Variants in ZNF347 observed in about 807,000 individuals in gnomAD.
The protein encoded by ZNF347 is zinc finger protein 347.
Under a neutral mutation model 12.9 loss-of-function variants are expected in ZNF347, and 19 were observed. The observed-to-expected ratio is 1.47, with a 90% CI of 1.03 to 2.16. The LOEUF is 2.16. ZNF347 is among the 30% of genes most tolerant of loss of function. ZNF347 has a pLI of 0.00. For synonymous variants in ZNF347, 328 were observed against 340.6 expected (o/e 0.96, Z 0.41); for missense variants, 1,005 against 990.6 (o/e 1.01, Z -0.19).
chr19:53,144,996 A>G (rs1481732686), intron 4 of ZNF347, among the ~76,000 whole-genome samples: 1 of 152,062 alleles, frequency 6.6e-6, no homozygotes. Flanking sequence ...GCCTCAGAAG[A>G]TACACAAACA....
At chr19:53,155,328 GTGTGTGTT>G (rs1375400024) in intron 1 of ZNF347, among the ~76,000 whole-genome samples, 3 of 140,504 alleles carry the variant, frequency 2.1e-5, no homozygotes, top group Non-Finnish European at 3.0e-5. Flanking sequence ...GTGTGTGTGT[GTGTGTGTT>G]TGTTTTTTGT....
intron 2 of ZNF347, among the ~76,000 whole-genome samples, chr19:53,152,957 G>A (rs985812839): frequency 1.3e-5 from 2 of 151,958 alleles, no homozygotes; most frequent in Non-Finnish European, 2.9e-5. Context: ...AATAATAATT[G>A]GCAAAACAAG....
intron 2 of ZNF347, among the ~76,000 whole-genome samples, chr19:53,152,926 T>G (rs954462638): frequency 6.6e-6 from 1 of 151,950 alleles, no homozygotes; most frequent in Non-Finnish European, 1.5e-5. Flanking sequence ...CAAGACTCCG[T>G]CTCAAAAAAA....
intron 2 of ZNF347, among the ~76,000 whole-genome samples, chr19:53,153,009 C>T (rs544892679): frequency 1.1e-4 from 17 of 152,284 alleles, no homozygotes; most frequent in African/African-American, 4.1e-4. Flanking sequence ...AGTTCTGCTC[C>T]TATAACCGAA....
chr19:53,150,860 C>T (rs2090492875), intron 2 of ZNF347, among the ~76,000 whole-genome samples: 1 of 152,196 alleles, frequency 6.6e-6, no homozygotes, highest in Non-Finnish European at 1.5e-5. Context: ...CGGCCTCAGC[C>T]TCCCAAGTAG....
intron 2 of ZNF347, among the ~76,000 whole-genome samples, chr19:53,149,970 A>G (rs1205207699): frequency 6.6e-6 from 1 of 152,160 alleles, no homozygotes; most frequent in Admixed American, 6.5e-5. Flanking sequence ...GTTCATCTGT[A>G]TACTCTGTAA....
rs376677299 is a variant in ZNF347 at position 53,149,909 on chromosome 19, C to T, written c.16-542G>A. ...TTGGGATTACAGGCATGCACCACCA[C>T]GCCATGCTCCTTCTCCCATACCTTA... On this transcript the variant is annotated intron_variant, in intron 2 of 4. Coordinates refer to ENST00000334197, the MANE Select transcript of ZNF347 (RefSeq NM_032584.3). 4.5e-4 allele frequency among the ~76,000 whole-genome samples: 69 copies of T among 152,234 alleles called. 1 individual carries two copies. The highest frequency in any genetic ancestry group is 3.4e-3 in the Middle Eastern group (1 of 294).
Position 53,149,238 on chromosome 19 carries a change from C to T in ZNF347, c.142+3G>A, listed in dbSNP as rs781276944. 1.2e-6 allele frequency: 2 copies of T among 1,612,176 alleles called. No individual in the cohort carries two copies. The highest frequency in any genetic ancestry group is 2.2e-5 in the South Asian group (2 of 90,710). On this transcript the variant is annotated splice_donor_region_variant and intron_variant, in intron 3 of 4. Coordinates refer to ENST00000334197, the MANE Select transcript of ZNF347 (RefSeq NM_032584.3). ...CTGACTTCTGGAAGAAAGTCATCCT[C>T]ACCCAGGGAGGCCAGGTTCCTATAA...
intron 2 of ZNF347, among the ~76,000 whole-genome samples, chr19:53,150,309 A>G (rs2090489249): frequency 6.6e-6 from 1 of 152,138 alleles, no homozygotes; most frequent in Admixed American, 6.5e-5. Context: ...GGGATCACAG[A>G]TGTGTTTTCC....
At chr19:53,149,190 GA>G in intron 3 of ZNF347, 50 bp downstream of exon 3, 1 of 1,597,364 alleles carries the variant, frequency 6.3e-7, no homozygotes, top group Non-Finnish European at 8.5e-7. Context: ...CATGGAAAAT[GA>G]AAAGATACAC....
chr19:53,152,187 G>A (rs62115500), intron 2 of ZNF347, among the ~76,000 whole-genome samples: 15,047 of 151,962 alleles, frequency 0.099, 838 homozygotes, highest in Middle Eastern at 0.14. Context: ...CAGTGAAAAG[G>A]TAAAACATCC....
intron 4 of ZNF347, among the ~76,000 whole-genome samples, chr19:53,145,453 T>C (rs1024568338): frequency 4.6e-5 from 7 of 150,998 alleles, no homozygotes; most frequent in Admixed American, 4.0e-4. Flanking sequence ...AGTGCAATGG[T>C]GTGATCTCAG....
intron 1 of ZNF347, among the ~76,000 whole-genome samples, chr19:53,158,254 C>G (rs2090548291): frequency 6.6e-6 from 1 of 151,954 alleles, no homozygotes; most frequent in South Asian, 2.1e-4. Flanking sequence ...GGGCCCGGCA[C>G]GAGGAGGAGG....
At chr19:53,142,610 T>A (rs1487575822) in intron 4 of ZNF347, 54 bp from the exon 5 acceptor site, 52 of 1,335,292 alleles carry the variant, frequency 3.9e-5, no homozygotes, top group Non-Finnish European at 5.1e-5. Context: ...CGTAAACAAG[T>A]ATTTTACACC....
intron 1 of ZNF347, among the ~76,000 whole-genome samples, chr19:53,155,045 C>G (rs569640570): frequency 1.3e-4 from 20 of 151,780 alleles, no homozygotes; most frequent in African/African-American, 4.6e-4. Flanking sequence ...TCAAGCGATT[C>G]TCCTGCCTCA....
At chr19:53,152,113 C>G in intron 2 of ZNF347, among the ~76,000 whole-genome samples, 1 of 125,038 alleles carries the variant, frequency 8.0e-6, no homozygotes, top group South Asian at 2.7e-4. Context: ...AAAAAAAAAT[C>G]ATGATGTGTG....
rs149517149 is a variant in ZNF347 at position 53,141,832 on chromosome 19, G to A, written c.996C>T (p.Leu332=). The A allele has an allele frequency of 1.9e-6, 3 of 1,614,006 alleles. No individual in the cohort carries two copies. The highest frequency in any genetic ancestry group is 2.5e-6 in the Non-Finnish European group (3 of 1,179,986). ...CAGTGTGAATTTTCTGATGTTGTGA[G>A]AGTTGTGAATTTCGACTAAAGACCT... The part of the protein sequence containing the change: ...CGKVFSRNSQ[L]SQHQKIHTGE... Residue 332 remains leucine (L), a synonymous_variant, in exon 5 of 5, where the codon CTC becomes CTT. Transcript: ENST00000334197.
intron 4 of ZNF347, among the ~76,000 whole-genome samples, chr19:53,143,012 A>G (rs1261689347): frequency 6.6e-6 from 1 of 152,236 alleles, no homozygotes; most frequent in Non-Finnish European, 1.5e-5. Context: ...TATATTTACT[A>G]AGAGGGCTAA....
In ZNF347 at chr19:53,136,422, T is replaced by TA. The variant is rs1290691295; in HGVS notation, c.*3885dup. 1.3e-5 allele frequency: 2 copies of TA among 151,712 alleles called. No homozygotes were observed. Among genetic ancestry groups the TA allele is most frequent in the African/African-American group, 2.4e-5 (1 of 41,256 alleles). The allele number at this position is 151,712 out of a possible 1,614,324, so 9.4% of individuals were successfully genotyped here. A position where few individuals can be genotyped will look rare whatever the true frequency, so the allele number is the denominator to read the frequency against. ...GTATGGAAGGAAAAAATCCTTAAAGTAAAAATCATATACAAAAACAAAAAG... is the reference window on the plus strand; with the variant it reads ...GTATGGAAGGAAAAAATCCTTAAAGTAAAAAATCATATACAAAAACAAAAAG... On this transcript the variant is annotated 3_prime_UTR_variant, in exon 5 of 5. Coordinates refer to ENST00000334197, the MANE Select transcript of ZNF347 (RefSeq NM_032584.3).
Sources: allele counts gnomAD v4.1 joint callset (sites outside exome capture counted in the v4.1 genomes callset), GRCh38; gene constraint gnomAD v4.1.1; transcripts MANE v1.5; gene names NCBI Gene and HGNC (gene_info 2026-07-23, HGNC 2026-07-21).